The following ANKRD44 variants were observed in gnomAD, a reference collection of about 807,000 sequenced individuals.
The protein encoded by ANKRD44 is serine/threonine-protein phosphatase 6 regulatory ankyrin repeat subunit B.
Under a neutral mutation model 116.0 loss-of-function variants are expected in ANKRD44, and 35 were observed. The observed-to-expected ratio is 0.30, with a 90% CI of 0.23 to 0.40. The LOEUF is 0.40. Ranked by LOEUF, ANKRD44 falls within the 10% of genes least tolerant of loss-of-function variation. ANKRD44 has a pLI of 1.00. For synonymous variants in ANKRD44, 435 were observed against 461.8 expected, an observed-to-expected ratio of 0.94 and a Z score of 0.74; for missense variants, 1,014 against 1,242.6, an observed-to-expected ratio of 0.82 and a Z score of 2.77.
intron 21 of ANKRD44, among the ~76,000 whole-genome samples, chr2:197,004,537 T>C (rs551378083): frequency 1.3e-5 from 2 of 152,302 alleles, no homozygotes; most frequent in African/African-American, 4.8e-5. Context: ...AGGGTACTAT[T>C]AGATAGGGAA....
At chr2:197,174,119 G>A (rs993645636) in intron 2 of ANKRD44, among the ~76,000 whole-genome samples, 2 of 151,982 alleles carry the variant, frequency 1.3e-5, no homozygotes, top group Admixed American at 6.6e-5. Flanking sequence ...ATTCTTACAT[G>A]GTTCTCTTGC....
chr2:197,112,707 CAAAAAAAA>C lies in ANKRD44; in HGVS notation c.907-1871_907-1864del, dbSNP rs1178148585. On this transcript the variant is annotated intron_variant, in intron 8 of 27. Transcript: ENST00000282272. ...TGGGCGACAGAGCGAGACTCCGTCT[CAAAAAAAA>C]AAAAAAAGAAAAAAAGAAAAGAAAA... Among the ~76,000 whole-genome samples, 3 of 80,078 alleles carry C rather than the reference CAAAAAAAA, an allele frequency of 3.7e-5. No homozygotes were observed. In the East Asian group the frequency reaches 1.8e-3, roughly 47 times the overall value. 52.5% of individuals were successfully genotyped at this position (80,078 alleles called of 152,430 possible). A position where few individuals can be genotyped will look rare whatever the true frequency, so the allele number is the denominator to read the frequency against.
Position 196,989,342 on chromosome 2 carries a change from G to T in ANKRD44, c.*249C>A. ...ATGTTAAGTGGTCAACTAGAAATCTGTGTCCTAAGAAATATAAAATACAAC... is the reference window on the plus strand; with the variant it reads ...ATGTTAAGTGGTCAACTAGAAATCTTTGTCCTAAGAAATATAAAATACAAC... On this transcript the variant is annotated 3_prime_UTR_variant, in exon 28 of 28. Transcript: ENST00000282272. 9.6e-7 allele frequency: 1 copy of T among 1,043,444 alleles called. No homozygotes were observed. Among genetic ancestry groups the T allele is most frequent in the Non-Finnish European group, 1.2e-6 (1 of 868,740 alleles). The allele number at this position is 1,043,444 out of a possible 1,614,324, so 64.6% of individuals were successfully genotyped here.
rs2075849222 is a variant in ANKRD44 at position 196,987,301 on chromosome 2, CTT to C, written c.*2288_*2289del. 2.0e-6 allele frequency: 2 copies of C among 985,116 alleles called. No individual in the cohort carries two copies. The highest frequency in any genetic ancestry group is 1.1e-4 in the East Asian group (1 of 8,824). 61.0% of individuals were successfully genotyped at this position (985,116 alleles called of 1,614,324 possible). On this transcript the variant is annotated 3_prime_UTR_variant, in exon 28 of 28. Coordinates refer to ENST00000282272, the MANE Select transcript of ANKRD44 (RefSeq NM_001195144.2). ...ACAAGGGGAAATAGGAAAAAAGACA[CTT>C]TATACATTCAAAGAAAAGTTGAAAT...
intron 18 of ANKRD44, among the ~76,000 whole-genome samples, chr2:197,009,557 T>C (rs535213555): frequency 6.6e-6 from 1 of 152,034 alleles, no homozygotes; most frequent in Non-Finnish European, 1.5e-5. Context: ...TTAGTAGAGA[T>C]GGGGTTTCAC....
chr2:197,111,177 C>T (rs2078556124), intron 8 of ANKRD44, among the ~76,000 whole-genome samples: 1 of 152,160 alleles, frequency 6.6e-6, no homozygotes, highest in Non-Finnish European at 1.5e-5. Flanking sequence ...CTTAGAGAAA[C>T]AGTTATCTGA....
At chr2:197,208,742 G>T (rs2081262268) in intron 1 of ANKRD44, among the ~76,000 whole-genome samples, 1 of 152,136 alleles carries the variant, frequency 6.6e-6, no homozygotes, top group Non-Finnish European at 1.5e-5. Flanking sequence ...AGAGCTTGCA[G>T]TGAGCCGAGA....
At chr2:197,158,578 C>T (rs2079879138) in intron 2 of ANKRD44, among the ~76,000 whole-genome samples, 1 of 152,206 alleles carries the variant, frequency 6.6e-6, no homozygotes, top group African/African-American at 2.4e-5. Context: ...GCTAGTTTTT[C>T]ACCACTGTAA....
chr2:197,006,080 C>T (rs2076196378), intron 20 of ANKRD44, among the ~76,000 whole-genome samples, 170 bp from the exon 21 acceptor site: 1 of 152,106 alleles, frequency 6.6e-6, no homozygotes, highest in African/African-American at 2.4e-5. Context: ...CAGCAAAATT[C>T]ATAACAGAAA....
intron 6 of ANKRD44, among the ~76,000 whole-genome samples, chr2:197,124,250 C>T (rs1192902841): frequency 6.6e-6 from 1 of 152,082 alleles, no homozygotes; most frequent in Non-Finnish European, 1.5e-5. Flanking sequence ...CCTTTAGCCA[C>T]ATAATTTATT....
chr2:197,037,778 C>A (rs1439248102), intron 16 of ANKRD44, among the ~76,000 whole-genome samples: 2 of 152,052 alleles, frequency 1.3e-5, no homozygotes, highest in Non-Finnish European at 2.9e-5. Flanking sequence ...TCTCTACAAA[C>A]AATGACAAAA....
At chr2:197,042,608 C>G (rs1021876101) in intron 16 of ANKRD44, among the ~76,000 whole-genome samples, 1 of 152,112 alleles carries the variant, frequency 6.6e-6, no homozygotes, top group African/African-American at 2.4e-5. Context: ...CCTCTCTCCC[C>G]CAATGTCAAA....
chr2:197,073,694 C>T (rs1359907078), intron 16 of ANKRD44, among the ~76,000 whole-genome samples: 2 of 152,192 alleles, frequency 1.3e-5, no homozygotes, highest in Non-Finnish European at 2.9e-5. Flanking sequence ...CTATCTCCTC[C>T]ACTATGAGGG....
intron 2 of ANKRD44, among the ~76,000 whole-genome samples, chr2:197,173,433 G>T (rs1473082298): frequency 1.3e-5 from 2 of 152,170 alleles, no homozygotes; most frequent in African/African-American, 4.8e-5. Flanking sequence ...CAGTAATTCT[G>T]TACCTATATT....
At position 197,008,977 on chromosome 2, in the gene ANKRD44, G is replaced by A. The variant is rs377187711; in HGVS notation, c.1979C>T (p.Pro660Leu). 2.7e-5 allele frequency: 44 copies of A among 1,613,982 alleles called. No homozygotes were observed. The highest frequency in any genetic ancestry group is 1.6e-4 in the Middle Eastern group (1 of 6,084). ...LRLLLEIADN[P>L]EAVDVKDAKG... ...GGCATCTTTCACATCGACCGCCTCC[G>A]GGTTGTCTGCAATTTCTAGCAACAG... is the stretch of plus-strand genomic sequence containing the variant. Residue 660 changes from proline (P) to leucine (L), a missense_variant, in exon 19 of 28, where the codon CCG (proline) becomes CTG (leucine). By Grantham distance (98) the Pro-to-Leu change is moderately conservative. Coordinates refer to ENST00000282272, the MANE Select transcript of ANKRD44 (RefSeq NM_001195144.2).
rs150212730 is a variant in ANKRD44, at chr2:197,256,227, C to T, written c.27+54351G>A. Among the ~76,000 whole-genome samples the T allele has an allele frequency of 2.8e-4, 43 of 152,338 alleles. 1 individual carries two copies. Among genetic ancestry groups the T allele is most frequent in the African/African-American group, 9.4e-4 (39 of 41,578 alleles). On this transcript the variant is annotated intron_variant, in intron 1 of 27. Coordinates refer to ENST00000282272, the MANE Select transcript of ANKRD44 (RefSeq NM_001195144.2). ...CAGATAATGAACTAGTTTCTAGTGA[C>T]TGTCCAACAGTGGACCAGGCTCATT...
intron 6 of ANKRD44, among the ~76,000 whole-genome samples, 184 bp from the exon 7 acceptor site, chr2:197,122,976 A>T (rs1303064554): frequency 6.6e-6 from 1 of 152,230 alleles, no homozygotes; most frequent in Admixed American, 6.5e-5. Context: ...AGTCAGGCAT[A>T]ATGTAAAAGC....
chr2:197,192,546 T>C (rs1047626358), intron 1 of ANKRD44, among the ~76,000 whole-genome samples: 1 of 152,202 alleles, frequency 6.6e-6, no homozygotes, highest in African/African-American at 2.4e-5. Flanking sequence ...GATACAGCAA[T>C]AATCTAGCCA....
At position 197,013,401 on chromosome 2, in the gene ANKRD44, A is replaced by G. The variant is rs2076332819; in HGVS notation, c.1924+110T>C. ...GTGTGGAAGTGCATCTGATGTGGAAAGAAAATTGATATTTAAAAAACTGGG... is the reference window on the plus strand; with the variant it reads ...GTGTGGAAGTGCATCTGATGTGGAAGGAAAATTGATATTTAAAAAACTGGG... On this transcript the variant is annotated intron_variant, in intron 18 of 27. Transcript: ENST00000282272. 3 of 1,251,768 alleles carry G rather than the reference A, an allele frequency of 2.4e-6. No homozygotes were observed. In the African/African-American group the frequency reaches 4.5e-5, roughly 19 times the overall value. The allele number at this position is 1,251,768 out of a possible 1,614,324, so 77.5% of individuals were successfully genotyped here. A position where few individuals can be genotyped will look rare whatever the true frequency, so the allele number is the denominator to read the frequency against.
Sources: allele counts gnomAD v4.1 joint callset (sites outside exome capture counted in the v4.1 genomes callset), GRCh38; gene constraint gnomAD v4.1.1; transcripts MANE v1.5; gene names NCBI Gene and HGNC (gene_info 2026-07-23, HGNC 2026-07-21).